The following SYNE2 variants were observed in gnomAD, a reference collection of about 807,000 sequenced individuals.
SYNE2 encodes the protein nesprin-2.
In SYNE2, 431 loss-of-function variants were observed where a neutral mutation model predicts 856.3. The observed-to-expected ratio is 0.50, with a 90% confidence interval of 0.47 to 0.55. SYNE2 has a LOEUF of 0.55. Among genes scored for constraint, SYNE2 ranks in the 20% least tolerant of loss-of-function variants. SYNE2 has a pLI of 0.00. For synonymous variants in SYNE2, 2,923 were observed against 2,872.3 expected (o/e 1.02, Z -0.56); for missense variants, 8,129 against 8,023.2 (o/e 1.01, Z -0.50).
intron 66 of SYNE2, among the ~76,000 whole-genome samples, chr14:64,116,985 T>C (rs989391705): frequency 2.0e-5 from 3 of 152,204 alleles, no homozygotes; most frequent in Non-Finnish European, 2.9e-5. Context: ...AGTCTATGGG[T>C]ACATATTGTT....
intron 46 of SYNE2, 127 bp from the exon 47 acceptor site, chr14:64,049,484 C>G (rs2097209297): frequency 2.8e-6 from 2 of 716,222 alleles, no homozygotes; most frequent in Admixed American, 5.3e-5. Context: ...ACTTTAGTTA[C>G]CCTGTGTGCA....
At chr14:64,130,572 G>A (rs1207529988) in intron 76 of SYNE2, among the ~76,000 whole-genome samples, 2 of 152,176 alleles carry the variant, frequency 1.3e-5, no homozygotes, top group African/African-American at 4.8e-5. Context: ...ATAGCAGAAG[G>A]TGACTTAGGA....
intron 30 of SYNE2, among the ~76,000 whole-genome samples, chr14:64,004,138 C>A (rs908964145): frequency 6.6e-6 from 1 of 152,026 alleles, no homozygotes; most frequent in African/African-American, 2.4e-5. Context: ...GATTCCCCTG[C>A]CTCAGCTTCC....
intron 101 of SYNE2, chr14:64,209,150 G>A (rs2098626489): frequency 9.4e-6 from 8 of 854,890 alleles, no homozygotes; most frequent in Non-Finnish European, 1.5e-5. Flanking sequence ...TGTGTGGGGT[G>A]TGGCTGTGGA....
chr14:64,114,477 T>C (rs1000672325), intron 66 of SYNE2, among the ~76,000 whole-genome samples: 57 of 152,186 alleles, frequency 3.7e-4, no homozygotes, highest in African/African-American at 1.1e-3. Flanking sequence ...TAGCCTGTTA[T>C]GTTGTTGTGG....
In SYNE2 at chr14:64,170,344, C is replaced by G; in HGVS notation, c.17117C>G (p.Thr5706Ser). Residue 5706 changes from threonine to serine, a missense_variant, in exon 94 of 116, where the codon ACT (threonine) becomes AGT (serine). Thr to Ser is a moderately conservative substitution (Grantham distance 58). Coordinates refer to ENST00000555002, the MANE Select transcript of SYNE2 (RefSeq NM_182914.3). The stretch of plus-strand genomic sequence containing the variant: ...CTGGTGAGGCAGTGGCAAGATTTCA[C>G]TACTTCTGTGGAGAACTTGTTTCGC... ...DGLVRQWQDF[T>S]TSVENLFRFL... 1.9e-6 allele frequency: 3 copies of G among 1,614,192 alleles called. No homozygotes were observed. The highest frequency in any genetic ancestry group is 2.5e-6 in the Non-Finnish European group (3 of 1,180,038).
Position 63,954,817 on chromosome 14 carries a change from T to G in SYNE2, c.689T>G (p.Met230Arg). ...IHALRPDLID[M>R]KSVKHRSNKD... ...GCCTTGCGACCAGACCTAATTGACA[T>G]GAAGAGTGTGAAGCATAGATCCAAC... The change falls in exon 8 of 116, where the codon ATG becomes AGG. Residue 230 changes from methionine (M) to arginine (R), a missense_variant. Physicochemically the swap from Met to Arg is moderately conservative, Grantham distance 91. Around this residue, in one of 3 missense-constraint regions of SYNE2, gnomAD observed 2,422 missense variants for 2,357.4 expected, o/e 1.03. Transcript: ENST00000555002. 6.2e-7 allele frequency: 1 copy of G among 1,614,042 alleles called. No individual in the cohort carries two copies. Among genetic ancestry groups the G allele is most frequent in the Non-Finnish European group, 8.5e-7 (1 of 1,179,952 alleles).
chr14:64,160,957 CAAAG>C (rs993134713), intron 87 of SYNE2, among the ~76,000 whole-genome samples: 15 of 151,158 alleles, frequency 9.9e-5, no homozygotes, highest in South Asian at 2.1e-4. Flanking sequence ...ACTAAGGAAA[CAAAG>C]AAAAAAAAAC....
intron 10 of SYNE2, among the ~76,000 whole-genome samples, chr14:63,965,177 G>A (rs2096374090): frequency 6.6e-6 from 1 of 151,956 alleles, no homozygotes; most frequent in Non-Finnish European, 1.5e-5. Context: ...TGGCCAGGCT[G>A]GTCTTGAACC....
At chr14:64,149,804 G>A (rs565447204) in intron 84 of SYNE2, among the ~76,000 whole-genome samples, 26 of 152,150 alleles carry the variant, frequency 1.7e-4, no homozygotes, top group African/African-American at 6.0e-4. Flanking sequence ...TAGCAAATTG[G>A]AAGTTAAAGT....
intron 52 of SYNE2, 112 bp from the exon 53 acceptor site, chr14:64,073,856 C>A: frequency 8.5e-7 from 1 of 1,180,970 alleles, no homozygotes; most frequent in Non-Finnish European, 1.2e-6. Context: ...AGGAAATAAC[C>A]ATCCTTTAGT....
chr14:63,880,287 T>C (rs1348906018), intron 1 of SYNE2, among the ~76,000 whole-genome samples: 1 of 152,170 alleles, frequency 6.6e-6, no homozygotes, highest in African/African-American at 2.4e-5. Flanking sequence ...AGACAGGGTT[T>C]CGCCATGTTG....
chr14:64,221,515 C>G (rs1486359913), intron 111 of SYNE2, 61 bp from the exon 112 acceptor site: 1 of 1,614,156 alleles, frequency 6.2e-7, no homozygotes. Flanking sequence ...AGCCATGTTC[C>G]TGGCACACCC....
Position 64,146,086 on chromosome 14 carries a change from C to T in SYNE2, c.15502C>T (p.Leu5168Phe). ...CACTTAGATACAACATTTAGAACAACTTCTAGAAAGTATCACTGAGAGTGA... is the reference window on the plus strand; with the variant it reads ...CACTTAGATACAACATTTAGAACAATTTCTAGAAAGTATCACTGAGAGTGA... ...LNRKIQHLEQ[L>F]LESITESENK... Residue 5168 changes from leucine to phenylalanine, a missense_variant, in exon 84 of 116, where the codon CTT (leucine) becomes TTT (phenylalanine). Physicochemically the swap from Leu to Phe is conservative, Grantham distance 22 (BLOSUM62 0). Around this residue, in one of 3 missense-constraint regions of SYNE2, gnomAD observed 5,410 missense variants for 5,284.8 expected, o/e 1.02. Transcript: ENST00000555002. 2 of 1,586,724 alleles carry T rather than the reference C, an allele frequency of 1.3e-6. No individual in the cohort carries two copies. The highest frequency in any genetic ancestry group is 1.1e-5 in the South Asian group (1 of 88,272).
chr14:63,878,631 C>T (rs185539319), intron 1 of SYNE2, among the ~76,000 whole-genome samples: 1 of 152,248 alleles, frequency 6.6e-6, no homozygotes, highest in East Asian at 1.9e-4. Context: ...CAGCTTTCAC[C>T]TCCCAGGTTG....
chr14:64,082,296 C>T (rs1254891953), intron 57 of SYNE2, among the ~76,000 whole-genome samples: 1 of 152,044 alleles, frequency 6.6e-6, no homozygotes, highest in Non-Finnish European at 1.5e-5. Flanking sequence ...CCCATAAGTA[C>T]TTGATTAACA....
chr14:64,153,572 T>TC (rs1392787591), intron 85 of SYNE2, among the ~76,000 whole-genome samples: 1 of 152,014 alleles, frequency 6.6e-6, no homozygotes, highest in Non-Finnish European at 1.5e-5. Context: ...CAGTCCTCAT[T>TC]CCCCCAGGAA....
chr14:63,815,799 A>C (rs929490835), intron 1 of SYNE2, among the ~76,000 whole-genome samples: 8 of 152,118 alleles, frequency 5.3e-5, no homozygotes, highest in Non-Finnish European at 1.2e-4. Flanking sequence ...TACCACCACA[A>C]CACTCAAATT....
chr14:64,203,961 C>A (rs1278387167), intron 100 of SYNE2, among the ~76,000 whole-genome samples: 1 of 152,196 alleles, frequency 6.6e-6, no homozygotes, highest in Non-Finnish European at 1.5e-5. Context: ...AAGTGATCCT[C>A]CCACCCCAGC....
Sources: gnomAD v4.1 joint callset for allele counts (sites outside exome capture counted in the v4.1 genomes callset) on GRCh38, gnomAD v4.1.1 for gene constraint, gnomAD v4.1.1 regional missense constraint, MANE v1.5 for transcripts, NCBI Gene and HGNC (gene_info 2026-07-23, HGNC 2026-07-21) for gene names.